The following ZNF678 variants were observed in gnomAD, a reference collection of about 807,000 sequenced individuals.
The protein encoded by ZNF678 is hypothetical protein MGC42493.
A neutral mutation model predicts 3.0 loss-of-function variants in ZNF678; 5 were observed. The observed-to-expected ratio is 1.69, with a 90% CI of 0.88 to 3.56. The LOEUF is 3.56. Among genes scored for constraint, ZNF678 ranks in the 30% most tolerant of loss-of-function variants. ZNF678 has a pLI of 0.00. For missense variants in ZNF678, 593 were observed against 605.0 expected (o/e 0.98, Z 0.21); for synonymous variants, 218 against 199.6 (o/e 1.09, Z -0.78).
chr1:227,666,446 GT>G (rs1659504906), downstream of ZNF678, among the ~76,000 whole-genome samples: 1 of 152,096 alleles, frequency 6.6e-6, no homozygotes, highest in East Asian at 1.9e-4. Flanking sequence ...TATAGTCAGC[GT>G]TCACTAATGA....
In ZNF678 at chr1:227,643,551, AGCT is replaced by A. The variant is rs567714873; in HGVS notation, c.-163-2989_-163-2987del. On this transcript the variant is annotated intron_variant, in intron 1 of 3. Coordinates refer to ENST00000343776, the MANE Select transcript of ZNF678 (RefSeq NM_001367909.1). ...ATTAGGGGAGATCAGAGGTTTGAGT[AGCT>A]GCTCTTGCTGCCTCCCCAAAGCTGG... 3.3e-5 allele frequency among the ~76,000 whole-genome samples: 5 copies of A among 152,248 alleles called. No homozygotes were observed. In the South Asian group the frequency reaches 1.0e-3, roughly 32 times the overall value.
In ZNF678 at chr1:227,659,081, TTATG is replaced by T. The variant is rs1659330401; in HGVS notation, c.*3256_*3259del. On this transcript the variant is annotated 3_prime_UTR_variant, in exon 4 of 4. Coordinates refer to ENST00000343776, the MANE Select transcript of ZNF678 (RefSeq NM_001367909.1). ...TGTAGAATCTTTTAGTTTTTAGTGT[TTATG>T]TAATATATTAGACAATAATAAACAT... 6.6e-6 allele frequency: 1 copy of T among 152,086 alleles called. No individual in the cohort carries two copies. The highest frequency in any genetic ancestry group is 1.5e-5 in the Non-Finnish European group (1 of 67,982). 9.4% of individuals were successfully genotyped at this position (152,086 alleles called of 1,614,324 possible).
chr1:227,586,695 C>G (rs1334395572), intron 1 of ZNF678, among the ~76,000 whole-genome samples: 1 of 152,216 alleles, frequency 6.6e-6, no homozygotes, highest in Non-Finnish European at 1.5e-5. Context: ...AAGCACCACT[C>G]CCTCTGTGAT....
At chr1:227,674,402 G>C (rs1485115432) in intron 5 of ZNF678, among the ~76,000 whole-genome samples, 1 of 152,014 alleles carries the variant, frequency 6.6e-6, no homozygotes, top group African/African-American at 2.4e-5. Flanking sequence ...TAGGAATCAA[G>C]TATAAGAAGG....
chr1:227,617,591 TTGGGTTG>T, intron 1 of ZNF678, among the ~76,000 whole-genome samples: 1 of 152,162 alleles, frequency 6.6e-6, no homozygotes, highest in East Asian at 1.9e-4. Flanking sequence ...GGGCAGAAGT[TTGGGTTG>T]TGCGCCTACC....
rs1389686061 is a variant in ZNF678, at chr1:227,655,580, C to T, written c.1330C>T (p.Gln444Ter). 6.2e-7 allele frequency: 1 copy of T among 1,612,000 alleles called. No individual in the cohort carries two copies. Among genetic ancestry groups the T allele is most frequent in the Admixed American group, 1.7e-5 (1 of 59,810 alleles). Residue 444 changes from glutamine (Q) to a stop codon, truncating the protein, a stop_gained, in exon 4 of 4, where the codon CAA becomes TAA. Coordinates refer to ENST00000343776, the MANE Select transcript of ZNF678 (RefSeq NM_001367909.1). LOFTEE classifies it low-confidence loss of function (END_TRUNC). ...TAAAGAATGTGGCAAAGCTTTTTAC[C>T]AATCCTCAATCCTTAGTAAGCATAA... ...KCKECGKAFY[Q>*]SSILSKHKRI...
chr1:227,570,955 A>T (rs116208715), intron 1 of ZNF678, among the ~76,000 whole-genome samples: 2 of 152,046 alleles, frequency 1.3e-5, no homozygotes, highest in South Asian at 4.1e-4. Flanking sequence ...ACTTTTTTCA[A>T]CCTCTGTCCA....
intron 1 of ZNF678, chr1:227,582,697 C>T (rs1296990866): frequency 6.4e-6 from 1 of 155,472 alleles, no homozygotes; most frequent in Non-Finnish European, 1.4e-5. Flanking sequence ...CTTCTAAGAG[C>T]TTTATAATTT....
chr1:227,642,100 G>GTA (rs1370680670), intron 1 of ZNF678, among the ~76,000 whole-genome samples: 4 of 152,226 alleles, frequency 2.6e-5, no homozygotes, highest in Non-Finnish European at 5.9e-5. Flanking sequence ...CCACGAAATA[G>GTA]TAAACCAGGT....
At chr1:227,635,515 T>TTGCGTGTGTG in intron 1 of ZNF678, among the ~76,000 whole-genome samples, 1 of 128,008 alleles carries the variant, frequency 7.8e-6, no homozygotes, top group South Asian at 2.9e-4. Context: ...GGGTGAACAT[T>TTGCGTGTGTG]TGTGTGTGTG....
chr1:227,569,290 G>A lies in ZNF678; in HGVS notation c.-164+5566G>A, dbSNP rs149709936. Among the ~76,000 whole-genome samples the A allele has an allele frequency of 6.1e-4, 93 of 152,186 alleles. 1 individual carries two copies. In the East Asian group the frequency reaches 8.3e-3, roughly 14 times the overall value. On this transcript the variant is annotated intron_variant, in intron 1 of 3. Transcript: ENST00000343776. Reference sequence around the variant, plus strand: ...TAGGTGTGAACCCCCATGCCTGATCGGGACAACTTAATATGTATTTTTTCT... The same window carrying A: ...TAGGTGTGAACCCCCATGCCTGATCAGGACAACTTAATATGTATTTTTTCT...
At chr1:227,609,994 A>G (rs1043852149) in intron 1 of ZNF678, among the ~76,000 whole-genome samples, 4 of 152,102 alleles carry the variant, frequency 2.6e-5, no homozygotes, top group African/African-American at 7.2e-5. Flanking sequence ...CCGCTTCCCA[A>G]AGTGCTCAGA....
chr1:227,663,679 C>G (rs1180101607), downstream of ZNF678, among the ~76,000 whole-genome samples: 1 of 152,170 alleles, frequency 6.6e-6, no homozygotes, highest in East Asian at 1.9e-4. Context: ...AGAAAAATGT[C>G]TTCTCTGATA....
rs1659197156 is a variant in ZNF678, at chr1:227,655,125, C to G, written c.875C>G (p.Pro292Arg). The G allele has an allele frequency of 6.2e-7, 1 of 1,613,038 alleles. No homozygotes were observed. The highest frequency in any genetic ancestry group is 8.5e-7 in the Non-Finnish European group (1 of 1,179,588). ...RHRRIHTGEK[P>R]YKCEECGKAF... Reference sequence around the variant, plus strand: ...AGGAGAATTCATACTGGAGAGAAACCCTACAAATGTGAAGAATGTGGCAAA... The same window carrying G: ...AGGAGAATTCATACTGGAGAGAAACGCTACAAATGTGAAGAATGTGGCAAA... The change falls in exon 4 of 4, where the codon CCC becomes CGC. Residue 292 changes from proline (P) to arginine (R), a missense_variant. Pro to Arg is a moderately radical substitution (Grantham distance 103). Coordinates refer to ENST00000343776, the MANE Select transcript of ZNF678 (RefSeq NM_001367909.1).
intron 1 of ZNF678, among the ~76,000 whole-genome samples, chr1:227,572,310 C>T (rs1382776156): frequency 1.3e-5 from 2 of 152,244 alleles, no homozygotes; most frequent in Non-Finnish European, 1.5e-5. Flanking sequence ...ATGGGAGAAG[C>T]AGGTTGTGAT....
At chr1:227,591,793 A>G (rs1345625747) in intron 1 of ZNF678, among the ~76,000 whole-genome samples, 1 of 152,218 alleles carries the variant, frequency 6.6e-6, no homozygotes, top group Non-Finnish European at 1.5e-5. Flanking sequence ...TAATAGGACC[A>G]TAGCAACCTT....
At chr1:227,641,449 A>G (rs1658818760) in intron 1 of ZNF678, among the ~76,000 whole-genome samples, 1 of 152,096 alleles carries the variant, frequency 6.6e-6, no homozygotes, top group Non-Finnish European at 1.5e-5. Context: ...AGATGACGTG[A>G]TATATGTCAC....
chr1:227,635,313 G>A (rs1306523148), intron 1 of ZNF678, among the ~76,000 whole-genome samples: 1 of 152,138 alleles, frequency 6.6e-6, no homozygotes, highest in Non-Finnish European at 1.5e-5. Flanking sequence ...ATAGCAAAAG[G>A]TAGAGCATCC....
intron 1 of ZNF678, among the ~76,000 whole-genome samples, chr1:227,579,606 A>G (rs1657073642): frequency 6.6e-6 from 1 of 152,102 alleles, no homozygotes; most frequent in Non-Finnish European, 1.5e-5. Context: ...GAGGGAACAG[A>G]CAGGCTTGTG....
Sources: allele counts gnomAD v4.1 joint callset (sites outside exome capture counted in the v4.1 genomes callset), GRCh38; gene constraint gnomAD v4.1.1; transcripts MANE v1.5; gene names NCBI Gene and HGNC (gene_info 2026-07-23, HGNC 2026-07-21).